MYH15: variants seen among roughly 807,000 people sequenced by gnomAD.
MYH15 encodes the protein myosin-15.
Under a neutral mutation model 240.5 loss-of-function variants are expected in MYH15, and 227 were observed. The observed-to-expected ratio is 0.94, with a 90% CI of 0.85 to 1.05. The LOEUF is 1.05. MYH15 is among the 50% of genes least tolerant of loss of function. The pLI is 0.00. For missense variants in MYH15, 2,217 were observed against 2,247.5 expected (o/e 0.99, Z 0.27); for synonymous variants, 785 against 796.7 (o/e 0.99, Z 0.25).
At chr3:108,546,676 A>G in the MYH15 span, among the ~76,000 whole-genome samples, 2 of 152,180 alleles carry the variant, frequency 1.3e-5, no homozygotes, top group African/African-American at 4.8e-5. Flanking sequence ...AGTTGGAAGG[A>G]AAGAAGCTTA....
intron 27 of MYH15, among the ~76,000 whole-genome samples, chr3:108,423,607 A>C (rs1187061653): frequency 6.6e-6 from 1 of 152,250 alleles, no homozygotes; most frequent in African/African-American, 2.4e-5. Context: ...CTCACTTCTG[A>C]AAATGACTTT....
chr3:108,450,583 G>A (rs1172487278), intron 21 of MYH15, among the ~76,000 whole-genome samples: 4 of 152,146 alleles, frequency 2.6e-5, no homozygotes, highest in East Asian at 3.8e-4. Context: ...AGGACACAAC[G>A]TTTCACTTAT....
In MYH15 at chr3:108,519,945, A is replaced by T. The variant is rs115025234; in HGVS notation, c.-58+9318T>A. 7.3e-3 allele frequency among the ~76,000 whole-genome samples: 1,111 copies of T among 152,326 alleles called. 15 individuals are homozygous for T. The highest frequency in any genetic ancestry group is 0.025 in the African/African-American group (1,055 of 41,562). ...ATGAGTTTTAACTAAGTACAATTGT[A>T]GTCAACATCTTTGCATAATAGATAT... On this transcript the variant is annotated intron_variant, in intron 1 of 41. Transcript: ENST00000273353.
In MYH15 at chr3:108,485,232, G is replaced by T; in HGVS notation, c.976-3C>A. On this transcript the variant is annotated splice_polypyrimidine_tract_variant and splice_region_variant and intron_variant, in intron 10 of 40. Transcript: ENST00000693548. ...AAGCCCAAGATGTCCATGGCTTGCT[G>T]TAAAAAGAGAAACAGATGGCCCTGT... The T allele has an allele frequency of 6.2e-7, 1 of 1,613,610 alleles. No homozygotes were observed. The highest frequency in any genetic ancestry group is 8.5e-7 in the Non-Finnish European group (1 of 1,179,802).
the MYH15 span, among the ~76,000 whole-genome samples, chr3:108,548,340 A>C: frequency 6.6e-6 from 1 of 152,166 alleles, no homozygotes; most frequent in African/African-American, 2.4e-5. Flanking sequence ...TGGCTATGTT[A>C]TTATCAAATA....
At chr3:108,462,964 A>G in intron 16 of MYH15, 147 bp downstream of exon 16, 1 of 869,936 alleles carries the variant, frequency 1.1e-6, no homozygotes, top group Non-Finnish European at 1.7e-6. Context: ...CCCCAGCCTG[A>G]AGACAGAAAG....
chr3:108,532,395 T>G (rs2083717575), upstream of MYH15, among the ~76,000 whole-genome samples: 1 of 152,218 alleles, frequency 6.6e-6, no homozygotes, highest in African/African-American at 2.4e-5. Flanking sequence ...TCCTTAGAGC[T>G]GGGACATCAG....
chr3:108,527,368 C>A (rs16854688), intron 1 of MYH15, among the ~76,000 whole-genome samples: 5,527 of 152,154 alleles, frequency 0.036, 337 homozygotes, highest in African/African-American at 0.12. Flanking sequence ...CATTCCACAG[C>A]CCTTCTCCAT....
At chr3:108,425,877 A>G (rs1428730891) in intron 27 of MYH15, among the ~76,000 whole-genome samples, 1 of 152,218 alleles carries the variant, frequency 6.6e-6, no homozygotes, top group African/African-American at 2.4e-5. Context: ...CAGTAAAGGC[A>G]ATTCTGCTGA....
chr3:108,421,530 A>T (rs1006349132), intron 27 of MYH15, among the ~76,000 whole-genome samples: 1 of 152,222 alleles, frequency 6.6e-6, no homozygotes, highest in East Asian at 1.9e-4. Context: ...GAGATACATG[A>T]TCCTTTTCTG....
In MYH15 at chr3:108,399,241, G is replaced by A; in HGVS notation, c.4763C>T (p.Ser1588Phe). 2 of 1,614,028 alleles carry A rather than the reference G, an allele frequency of 1.2e-6. No homozygotes were observed. Among genetic ancestry groups the A allele is most frequent in the Non-Finnish European group, 1.7e-6 (2 of 1,179,926 alleles). The stretch of plus-strand genomic sequence containing the variant: ...TTCAGAATCCAGACTAGACTGCAGG[G>A]AGTCAATGGTACACTGCTGCTTCCT... The part of the protein sequence containing the change: ...FRRKQQCTID[S>F]LQSSLDSEAK... Residue 1588 changes from serine to phenylalanine, a missense_variant, in exon 34 of 41, where the codon TCC becomes TTC. Ser to Phe is a radical substitution (Grantham distance 155). Coordinates refer to ENST00000693548, the MANE Select transcript of MYH15 (RefSeq NM_014981.3).
rs571202353 is a variant in MYH15, at chr3:108,386,632, CT to C, written c.5536-1851del. ...CGCTCTTCCCTTCTCCTCTTCCTCCCTCAGCCTCTCCCTTCACGTCTCTGCC... is the reference window on the plus strand; with the variant it reads ...CGCTCTTCCCTTCTCCTCTTCCTCCCCAGCCTCTCCCTTCACGTCTCTGCC... On this transcript the variant is annotated intron_variant, in intron 38 of 40. Coordinates refer to ENST00000693548, the MANE Select transcript of MYH15 (RefSeq NM_014981.3). Among the ~76,000 whole-genome samples, 66 of 152,040 alleles carry C rather than the reference CT, an allele frequency of 4.3e-4. No homozygotes were observed. The East Asian group carries it at 0.013, about 29-fold the overall frequency.
chr3:108,491,375 C>G (rs1448810667), intron 9 of MYH15, among the ~76,000 whole-genome samples: 1 of 152,124 alleles, frequency 6.6e-6, no homozygotes, highest in Non-Finnish European at 1.5e-5. Context: ...TTCCCTTATT[C>G]CACATTTTTT....
intron 6 of MYH15, among the ~76,000 whole-genome samples, chr3:108,496,399 C>T (rs142172901): frequency 9.9e-4 from 150 of 152,280 alleles, no homozygotes; most frequent in Non-Finnish European, 1.5e-3. Flanking sequence ...ATCACGTGTG[C>T]TCAGGCTGAT....
intron 1 of MYH15, among the ~76,000 whole-genome samples, chr3:108,509,757 T>C (rs1469835941): frequency 6.6e-6 from 1 of 152,176 alleles, no homozygotes; most frequent in African/African-American, 2.4e-5. Context: ...CATGTAAAGG[T>C]AGCAGGAAAA....
rs796376328 is a variant in MYH15 at position 108,420,550 on chromosome 3, C to T, written c.3829+538G>A. ...CAAGACTCTAGGGTGGGAGTATGCC[C>T]GGGGTGTACAAAGCACAGCATAGAG... On this transcript the variant is annotated intron_variant, in intron 28 of 40. Coordinates refer to ENST00000693548, the MANE Select transcript of MYH15 (RefSeq NM_014981.3). 1.2e-4 allele frequency among the ~76,000 whole-genome samples: 18 copies of T among 152,022 alleles called. 2 individuals carry two copies. The highest frequency in any genetic ancestry group is 3.9e-4 in the African/African-American group (16 of 41,460).
At chr3:108,522,022 T>C (rs1451214130) in intron 1 of MYH15, among the ~76,000 whole-genome samples, 2 of 152,158 alleles carry the variant, frequency 1.3e-5, no homozygotes, top group Non-Finnish European at 1.5e-5. Flanking sequence ...TGGAAGAAAC[T>C]AACAAGACCG....
At chr3:108,440,035 G>A in intron 23 of MYH15, 122 bp from the exon 24 acceptor site, 3 of 798,880 alleles carry the variant, frequency 3.8e-6, no homozygotes, top group Non-Finnish European at 5.4e-6. Context: ...ACAAAAAGCT[G>A]TATTTAGCCA....
intron 7 of MYH15, among the ~76,000 whole-genome samples, chr3:108,493,441 A>G (rs968961071): frequency 2.0e-5 from 3 of 152,234 alleles, no homozygotes; most frequent in African/African-American, 4.8e-5. Flanking sequence ...TGTAGCCCCA[A>G]ATCTGCTGAT....
Sources: gnomAD v4.1 joint callset for allele counts (sites outside exome capture counted in the v4.1 genomes callset) on GRCh38, gnomAD v4.1.1 for gene constraint, MANE v1.5 for transcripts, NCBI Gene and HGNC (gene_info 2026-07-23, HGNC 2026-07-21) for gene names.